The following GALNT10 variants were observed in gnomAD, a reference collection of about 807,000 sequenced individuals.
GALNT10 encodes GalNAc transferase 10.
GALNT10 carries 41 observed loss-of-function variants against 75.0 expected under a neutral mutation model. That is an observed-to-expected ratio of 0.55 (90% CI 0.43 to 0.71). The LOEUF is 0.71. Among genes scored for constraint, GALNT10 ranks in the 30% least tolerant of loss-of-function variants. The pLI is 0.00. For synonymous variants in GALNT10, 302 were observed against 313.0 expected, an observed-to-expected ratio of 0.96 and a Z score of 0.37; for missense variants, 727 against 818.5, an observed-to-expected ratio of 0.89 and a Z score of 1.36.
chr5:154,307,881 C>T (rs1159886597), intron 3 of GALNT10, among the ~76,000 whole-genome samples: 4 of 151,160 alleles, frequency 2.6e-5, no homozygotes, highest in Non-Finnish European at 5.9e-5. Flanking sequence ...CACAGGTACA[C>T]CCTGAGCAGG....
chr5:154,241,088 A>G (rs571823158), intron 1 of GALNT10, among the ~76,000 whole-genome samples: 15 of 152,330 alleles, frequency 9.8e-5, no homozygotes, highest in African/African-American at 3.4e-4. Flanking sequence ...TCTGCCTGAT[A>G]GATGGTCTAT....
chr5:154,400,187 C>G lies in GALNT10; in HGVS notation c.1057-3917C>G, dbSNP rs576906430. On this transcript the variant is annotated intron_variant, in intron 7 of 11. Transcript: ENST00000297107. Reference sequence around the variant, plus strand: ...CAAAATCATCTTAAACTAGCCGTAGCCGAGAAAAGCCATGGCGGGGGCGGG... The same window carrying G: ...CAAAATCATCTTAAACTAGCCGTAGGCGAGAAAAGCCATGGCGGGGGCGGG... 7.2e-5 allele frequency among the ~76,000 whole-genome samples: 11 copies of G among 152,252 alleles called. No homozygotes were observed. In the South Asian group the frequency reaches 2.3e-3, roughly 32 times the overall value.
chr5:154,226,162 C>T (rs1753062025), intron 1 of GALNT10, among the ~76,000 whole-genome samples: 1 of 151,962 alleles, frequency 6.6e-6, no homozygotes. Context: ...AGAAATTTAA[C>T]ATGCATTCTT....
Position 154,404,171 on chromosome 5 carries a change from A to G in GALNT10, c.1124A>G (p.Tyr375Cys). The G allele has an allele frequency of 1.9e-6, 3 of 1,612,416 alleles. No homozygotes were observed. In the Admixed American group the frequency reaches 5.0e-5, roughly 27 times the overall value. ...CSRVGHIYRK[Y>C]VPYKVPAGVS... is the part of the protein sequence containing the mutation. ...AGGGTGGGCCATATCTACAGGAAGT[A>G]TGTGCCCTACAAGGTCCCGGCCGGA... is the stretch of plus-strand genomic sequence containing the variant. The change falls in exon 8 of 12, where the codon TAT becomes TGT. Residue 375 changes from tyrosine (Y) to cysteine (C), a missense_variant. Coordinates refer to ENST00000297107, the MANE Select transcript of GALNT10 (RefSeq NM_198321.4).
chr5:154,375,513 TG>T (rs1455112193), intron 4 of GALNT10, among the ~76,000 whole-genome samples: 3 of 152,356 alleles, frequency 2.0e-5, no homozygotes, highest in Non-Finnish European at 2.9e-5. Context: ...AGGAATTTGC[TG>T]TCTTGTGTAA....
At chr5:154,407,183 G>A (rs1473506586) in intron 8 of GALNT10, among the ~76,000 whole-genome samples, 1 of 152,176 alleles carries the variant, frequency 6.6e-6, no homozygotes, top group Non-Finnish European at 1.5e-5. Flanking sequence ...GCAAATCTCT[G>A]TAATCCAAGC....
intron 1 of GALNT10, among the ~76,000 whole-genome samples, chr5:154,239,407 G>A (rs138002044): frequency 2.5e-4 from 38 of 152,284 alleles, no homozygotes; most frequent in African/African-American, 8.9e-4. Context: ...GCGGTGGGGC[G>A]AGCAAGTGAA....
At chr5:154,242,424 G>A (rs530984127) in intron 1 of GALNT10, among the ~76,000 whole-genome samples, 17 of 152,280 alleles carry the variant, frequency 1.1e-4, no homozygotes, top group African/African-American at 4.1e-4. Flanking sequence ...GCCCTTTGCA[G>A]CACTGTTGTG....
At chr5:154,263,131 C>G (rs1398317356) in intron 1 of GALNT10, among the ~76,000 whole-genome samples, 1 of 152,124 alleles carries the variant, frequency 6.6e-6, no homozygotes, top group African/African-American at 2.4e-5. Flanking sequence ...TATGACCCAG[C>G]AGTCCCACTC....
At chr5:154,193,375 C>A (rs1272382339) in intron 1 of GALNT10, among the ~76,000 whole-genome samples, 1 of 152,216 alleles carries the variant, frequency 6.6e-6, no homozygotes, top group Non-Finnish European at 1.5e-5. Context: ...GCTTGGCCCC[C>A]AGTCCGTTGT....
intron 1 of GALNT10, among the ~76,000 whole-genome samples, chr5:154,266,784 A>G (rs567338366): frequency 2.6e-5 from 4 of 152,118 alleles, no homozygotes; most frequent in Admixed American, 6.5e-5. Context: ...CAAGAGACTG[A>G]GGTGGAAGGA....
chr5:154,212,443 C>T (rs1752779717), intron 1 of GALNT10, among the ~76,000 whole-genome samples: 1 of 152,218 alleles, frequency 6.6e-6, no homozygotes, highest in Admixed American at 6.5e-5. Context: ...TGGGACCATA[C>T]TGATGCTAAA....
intron 1 of GALNT10, among the ~76,000 whole-genome samples, chr5:154,222,365 C>G (rs983130513): frequency 6.6e-6 from 1 of 151,940 alleles, no homozygotes; most frequent in Non-Finnish European, 1.5e-5. Context: ...ATTCATTTAC[C>G]TGTTGATGGA....
At chr5:154,327,600 A>C (rs1460805627) in intron 3 of GALNT10, among the ~76,000 whole-genome samples, 1 of 152,238 alleles carries the variant, frequency 6.6e-6, no homozygotes, top group Non-Finnish European at 1.5e-5. Context: ...TTGTGAGTTA[A>C]CATAATTGAC....
chr5:154,404,468 TC>T (rs1392396365), intron 8 of GALNT10, among the ~76,000 whole-genome samples: 1 of 152,204 alleles, frequency 6.6e-6, no homozygotes, highest in Non-Finnish European at 1.5e-5. Flanking sequence ...GCTAATTCTT[TC>T]CAACTCCCAG....
intron 1 of GALNT10, among the ~76,000 whole-genome samples, chr5:154,212,078 G>A (rs1752762254): frequency 6.6e-6 from 1 of 152,118 alleles, no homozygotes; most frequent in African/African-American, 2.4e-5. Context: ...TTTGCTTCTG[G>A]AGGGCCAGTG....
intron 1 of GALNT10, among the ~76,000 whole-genome samples, chr5:154,195,228 G>A (rs1040996760): frequency 6.6e-6 from 1 of 152,188 alleles, no homozygotes; most frequent in Non-Finnish European, 1.5e-5. Context: ...GGCAAACCTG[G>A]CAGCTACAAG....
At chr5:154,268,894 T>C in intron 1 of GALNT10, among the ~76,000 whole-genome samples, 1 of 152,152 alleles carries the variant, frequency 6.6e-6, no homozygotes, top group Non-Finnish European at 1.5e-5. Flanking sequence ...CCCAACACTT[T>C]GGGAGGCCAA....
chr5:154,348,174 T>C (rs1358841297), intron 4 of GALNT10, among the ~76,000 whole-genome samples: 1 of 152,276 alleles, frequency 6.6e-6, no homozygotes, highest in African/African-American at 2.4e-5. Context: ...TGGCTTGTGA[T>C]GTACAGAGCG....
Sources: gnomAD v4.1 joint callset for allele counts (sites outside exome capture counted in the v4.1 genomes callset) on GRCh38, gnomAD v4.1.1 for gene constraint, MANE v1.5 for transcripts, NCBI Gene and HGNC (gene_info 2026-07-23, HGNC 2026-07-21) for gene names.